The following TTLL4 variants were observed in gnomAD, a reference collection of about 807,000 sequenced individuals.
The protein encoded by TTLL4 is tubulin tyrosine ligase like 4, also known as tubulin monoglutamylase TTLL4.
In TTLL4, 85 loss-of-function variants were observed where a neutral mutation model predicts 122.7. That is an observed-to-expected ratio of 0.69 (90% confidence interval 0.58 to 0.83). The LOEUF (loss-of-function observed/expected upper bound fraction) is 0.83, where lower values mean the gene tolerates loss of function less well. TTLL4 is among the 40% of genes least tolerant of loss of function. The pLI is 0.00. For missense variants in TTLL4, 1,363 were observed against 1,488.6 expected, an observed-to-expected ratio of 0.92 and a Z score of 1.39; for synonymous variants, 553 against 563.0, an observed-to-expected ratio of 0.98 and a Z score of 0.25.
At position 218,737,768 on chromosome 2, in the gene TTLL4, C is replaced by A; in HGVS notation, c.92C>A (p.Thr31Lys). The change falls in exon 3 of 20, where the codon ACG (threonine) becomes AAG (lysine). Residue 31 changes from threonine to lysine, a missense_variant. Transcript: ENST00000392102. ...GGTCCCTCAGGCACAGTACCTGCCA[C>A]GCCACCTGAGAAACCCTCGGAGGGC... ...QSGPSGTVPA[T>K]PPEKPSEGRV... 6.2e-7 allele frequency: 1 copy of A among 1,614,008 alleles called. No homozygotes were observed. Among genetic ancestry groups the A allele is most frequent in the Non-Finnish European group, 8.5e-7 (1 of 1,179,866 alleles).
chr2:218,723,981 A>G (rs1375467807), intron 1 of TTLL4, among the ~76,000 whole-genome samples: 1 of 152,186 alleles, frequency 6.6e-6, no homozygotes, highest in African/African-American at 2.4e-5. Context: ...TGAATATAAG[A>G]GAATATCCTG....
downstream of TTLL4, among the ~76,000 whole-genome samples, chr2:218,756,354 G>T (rs1303452367): frequency 6.6e-6 from 1 of 152,202 alleles, no homozygotes; most frequent in Non-Finnish European, 1.5e-5. Context: ...CATGGTGGGG[G>T]AAGGGAGAAG....
intron 18 of TTLL4, 148 bp from the exon 19 acceptor site, chr2:218,753,436 T>G: frequency 2.2e-6 from 2 of 890,380 alleles, no homozygotes; most frequent in Non-Finnish European, 1.8e-6. Flanking sequence ...AACTGAGACT[T>G]TTACCCACCT....
At position 218,754,260 on chromosome 2, in the gene TTLL4, C is replaced by T; in HGVS notation, c.3471C>T (p.Asp1157=). The T allele has an allele frequency of 6.2e-7, 1 of 1,614,212 alleles. No individual in the cohort carries two copies. The highest frequency in any genetic ancestry group is 8.5e-7 in the Non-Finnish European group (1 of 1,180,038). ...CCAGTTCCTCAAAGGACAGTGAGGA[C>T]ACCAGCAAAGAGCCCAGCCTTTCTA... The part of the protein sequence containing the change: ...QKPSSSKDSE[D]TSKEPSLSTQ... The change falls in exon 20 of 20, where the codon GAC becomes GAT. Residue 1157 remains aspartate (D), a synonymous_variant. Coordinates refer to ENST00000392102, the MANE Select transcript of TTLL4 (RefSeq NM_014640.5).
chr2:218,729,764 A>C (rs1385158969), intron 2 of TTLL4, among the ~76,000 whole-genome samples: 2 of 101,210 alleles, frequency 2.0e-5, no homozygotes, highest in East Asian at 4.2e-4. Context: ...AAAAAAAAAC[A>C]AAAAAAAAAA....
intron 1 of TTLL4, among the ~76,000 whole-genome samples, chr2:218,724,235 T>TA (rs979953389): frequency 6.6e-6 from 1 of 152,038 alleles, no homozygotes; most frequent in Non-Finnish European, 1.5e-5. Context: ...ATTGCAAAAT[T>TA]AAAAAAAAAT....
At position 218,746,198 on chromosome 2, in the gene TTLL4, T is replaced by A; in HGVS notation, c.1941T>A (p.Ser647=). The part of the protein sequence containing the change: ...WLGCWGHHMK[S]PSFRSIREHQ... ...GCTGCTGGGGTCACCACATGAAGTC[T>A]CCTAGTTTCCGATCCATTCGAGAGC... Residue 647 remains serine, a synonymous_variant, in exon 8 of 20, where the codon TCT becomes TCA. Coordinates refer to ENST00000392102, the MANE Select transcript of TTLL4 (RefSeq NM_014640.5). 1 of 1,614,040 alleles carries A rather than the reference T, an allele frequency of 6.2e-7. No homozygotes were observed.
Position 218,740,501 on chromosome 2 carries a change from T to A in TTLL4, c.1598-20T>A, listed in dbSNP as rs1942668878. The A allele has an allele frequency of 3.7e-6, 6 of 1,613,984 alleles. No individual in the cohort carries two copies. Among genetic ancestry groups the A allele is most frequent in the Non-Finnish European group, 5.1e-6 (6 of 1,179,842 alleles). ...TGCAGCCTCTTCTAGTCAGAATTTC[T>A]CTGTTCTTCCTTCCTCTAGGAGACT... On this transcript the variant is annotated intron_variant, in intron 4 of 19. Transcript: ENST00000392102.
chr2:218,756,604 T>C (rs1482598892), downstream of TTLL4, among the ~76,000 whole-genome samples: 1 of 152,240 alleles, frequency 6.6e-6, no homozygotes, highest in Admixed American at 6.5e-5. Context: ...ACTTTTGTAT[T>C]GAATGCCCAC....
chr2:218,734,521 A>G (rs1287977915), intron 2 of TTLL4, among the ~76,000 whole-genome samples: 3 of 152,216 alleles, frequency 2.0e-5, no homozygotes, highest in Non-Finnish European at 4.4e-5. Context: ...CTCAGGAGTC[A>G]GGGAAGACTG....
intron 1 of TTLL4, among the ~76,000 whole-genome samples, chr2:218,726,402 G>T (rs1010608975): frequency 6.6e-6 from 1 of 152,120 alleles, no homozygotes; most frequent in Non-Finnish European, 1.5e-5. Context: ...AATCTGTTTG[G>T]TGTTCCCTGA....
chr2:218,723,529 C>T (rs1234083335), intron 1 of TTLL4, among the ~76,000 whole-genome samples: 3 of 152,102 alleles, frequency 2.0e-5, no homozygotes, highest in African/African-American at 7.2e-5. Flanking sequence ...AATTCACTGG[C>T]CATTGAGAGA....
chr2:218,731,782 AG>A (rs1464615154), intron 2 of TTLL4, among the ~76,000 whole-genome samples: 3 of 152,224 alleles, frequency 2.0e-5, no homozygotes, highest in African/African-American at 7.2e-5. Flanking sequence ...ACTACTGATC[AG>A]TGCTCTGATT....
rs564520614 is a variant in TTLL4, at chr2:218,726,558, C to T, written c.-177-711C>T. Among the ~76,000 whole-genome samples, 3 of 152,066 alleles carry T rather than the reference C, an allele frequency of 2.0e-5. No individual in the cohort carries two copies. In the South Asian group the frequency reaches 6.2e-4, roughly 32 times the overall value. ...TCAGCTCACTGCAACCTCTGCCTCC[C>T]GGGTTCAAGCGATTCTTATGCCTCA... On this transcript the variant is annotated intron_variant, in intron 1 of 19. Transcript: ENST00000392102.
At chr2:218,718,597 C>T (rs1378341775) in intron 1 of TTLL4, among the ~76,000 whole-genome samples, 2 of 152,030 alleles carry the variant, frequency 1.3e-5, no homozygotes, top group East Asian at 1.9e-4. Context: ...AGGCTGGTTT[C>T]GAACTCTCGA....
intron 13 of TTLL4, 132 bp from the exon 14 acceptor site, chr2:218,749,121 G>C: frequency 7.4e-7 from 1 of 1,349,312 alleles, no homozygotes; most frequent in East Asian, 2.3e-5. Context: ...CAGATCAGAG[G>C]TGTCACTTGA....
chr2:218,723,320 CACA>C (rs948084478), intron 1 of TTLL4, among the ~76,000 whole-genome samples: 2 of 152,148 alleles, frequency 1.3e-5, no homozygotes, highest in African/African-American at 4.8e-5. Flanking sequence ...CAGTTGAGGG[CACA>C]ACAAGGACTT....
intron 1 of TTLL4, among the ~76,000 whole-genome samples, chr2:218,719,315 A>G (rs930506246): frequency 6.6e-6 from 1 of 152,162 alleles, no homozygotes; most frequent in African/African-American, 2.4e-5. Flanking sequence ...TCACTAGGGT[A>G]AGTGAACAGT....
chr2:218,722,890 T>C (rs1942086596), intron 1 of TTLL4, among the ~76,000 whole-genome samples: 1 of 152,248 alleles, frequency 6.6e-6, no homozygotes, highest in Admixed American at 6.5e-5. Flanking sequence ...ATTGAAGATC[T>C]GCTGAGGTCA....
Sources: gnomAD v4.1 joint callset for allele counts (sites outside exome capture counted in the v4.1 genomes callset) on GRCh38, gnomAD v4.1.1 for gene constraint, MANE v1.5 for transcripts, NCBI Gene and HGNC (gene_info 2026-07-23, HGNC 2026-07-21) for gene names.